Variants in EPAS1 observed in about 807,000 individuals in gnomAD.
The protein encoded by EPAS1 is endothelial PAS domain-containing protein 1.
A neutral mutation model predicts 87.9 loss-of-function variants in EPAS1; 23 were observed. The ratio of observed to expected loss-of-function variants is 0.26; its 90% confidence interval spans 0.19 to 0.37. EPAS1 has a LOEUF of 0.37. Among genes scored for constraint, EPAS1 ranks in the 10% least tolerant of loss-of-function variants. The pLI is 1.00. For missense variants in EPAS1, 1,138 were observed against 1,120.7 expected (o/e 1.02, Z -0.22); for synonymous variants, 508 against 444.3 (o/e 1.14, Z -1.80).
Position 46,380,372 on chromosome 2 carries a change from T to C in EPAS1, c.1700T>C (p.Met567Thr), listed in dbSNP as rs374224241. Residue 567 changes from methionine to threonine, a missense_variant, in exon 12 of 16, where the codon ATG becomes ACG. Physicochemically the swap from Met to Thr is moderately conservative, Grantham distance 81. Coordinates refer to ENST00000263734, the MANE Select transcript of EPAS1 (RefSeq NM_001430.5). This position sits in a 1 kb window ranked among gnomAD's most constrained non-coding sequence, Gnocchi z 4.4. ...ACCCCCCAGCACTGCTTCAGTGCCA[T>C]GACAAACATCTTCCAGCCACTGGCC... ...QSTPQHCFSA[M>T]TNIFQPLAPV... 1.1e-4 allele frequency: 174 copies of C among 1,614,022 alleles called. No homozygotes were observed. Among genetic ancestry groups the C allele is most frequent in the Admixed American group, 7.7e-4 (46 of 59,994 alleles).
intron 6 of EPAS1, among the ~76,000 whole-genome samples, chr2:46,366,199 G>T (rs1159051705): frequency 6.6e-6 from 1 of 152,256 alleles, no homozygotes; most frequent in Non-Finnish European, 1.5e-5. Flanking sequence ...CCTGTGGGTG[G>T]ATTTCTTTCT....
chr2:46,303,619 C>T (rs1257434315), intron 1 of EPAS1, among the ~76,000 whole-genome samples: 1 of 152,108 alleles, frequency 6.6e-6, no homozygotes, highest in South Asian at 2.1e-4. Flanking sequence ...CTTAACCAGG[C>T]TTTGTGAATG....
At chr2:46,303,250 G>A (rs889194945) in intron 1 of EPAS1, among the ~76,000 whole-genome samples, 9 of 152,248 alleles carry the variant, frequency 5.9e-5, no homozygotes, top group South Asian at 2.1e-4. Flanking sequence ...TGTATTTAGA[G>A]GTGGAGAAAT....
chr2:46,365,157 C>T (rs898869580), intron 6 of EPAS1, among the ~76,000 whole-genome samples: 10 of 152,074 alleles, frequency 6.6e-5, no homozygotes, highest in African/African-American at 2.2e-4. Flanking sequence ...AATCCCACTG[C>T]GATTTTGTCA....
At chr2:46,384,440 C>CA (rs752484056) in intron 15 of EPAS1, 69 bp from the exon 16 acceptor site, 31 of 1,607,760 alleles carry the variant, frequency 1.9e-5, no homozygotes, top group Non-Finnish European at 2.6e-5. Context: ...CCCCCAGTCA[C>CA]AAAGAAGTAG....
At chr2:46,356,118 C>T (rs972691963) in intron 2 of EPAS1, 33 bp from the exon 3 acceptor site, 20 of 1,497,550 alleles carry the variant, frequency 1.3e-5, no homozygotes, top group Admixed American at 8.7e-5. Context: ...ACTCCACATT[C>T]ATGCAAGCTG....
At chr2:46,302,118 C>CTG (rs35880089) in intron 1 of EPAS1, among the ~76,000 whole-genome samples, 2,934 of 127,412 alleles carry the variant, frequency 0.023, 42 homozygotes, top group Non-Finnish European at 0.027. Flanking sequence ...CTCTTTCTCT[C>CTG]TGTGTGTGTG....
At chr2:46,301,350 G>A (rs925475816) in intron 1 of EPAS1, among the ~76,000 whole-genome samples, 2 of 151,974 alleles carry the variant, frequency 1.3e-5, no homozygotes, top group Non-Finnish European at 2.9e-5. Context: ...CTGAGGCTGC[G>A]GATCACCTGA....
chr2:46,367,632 G>C (rs956999608), intron 6 of EPAS1, among the ~76,000 whole-genome samples: 2 of 152,252 alleles, frequency 1.3e-5, no homozygotes, highest in Non-Finnish European at 2.9e-5. Context: ...TCTCTGCTCA[G>C]GGCCAAGCGA....
intron 1 of EPAS1, among the ~76,000 whole-genome samples, chr2:46,335,263 AT>A (rs1445682806): frequency 6.6e-6 from 1 of 152,240 alleles, no homozygotes; most frequent in Non-Finnish European, 1.5e-5. Context: ...ATCAGTCCTG[AT>A]TAAAAGTCTA....
intron 1 of EPAS1, among the ~76,000 whole-genome samples, chr2:46,330,288 C>A (rs997788541): frequency 6.6e-6 from 1 of 152,158 alleles, no homozygotes; most frequent in Non-Finnish European, 1.5e-5. Context: ...AATCCAGCTC[C>A]GTTTCTGAGC....
In EPAS1 at chr2:46,297,819, C is replaced by G; in HGVS notation, c.-93C>G. The G allele has an allele frequency of 1.3e-6, 2 of 1,538,734 alleles. No homozygotes were observed. Among genetic ancestry groups the G allele is most frequent in the South Asian group, 1.2e-5 (1 of 84,638 alleles). Reference sequence around the variant, plus strand: ...GCACCTCGGACCTTCACCACCCGCCCGGGCCGCGGGGAGCGGACGAGGGCC... The same window carrying G: ...GCACCTCGGACCTTCACCACCCGCCGGGGCCGCGGGGAGCGGACGAGGGCC... On this transcript the variant is annotated 5_prime_UTR_variant, in exon 1 of 16. Coordinates refer to ENST00000263734, the MANE Select transcript of EPAS1 (RefSeq NM_001430.5).
chr2:46,382,723 A>T (rs1684929106), intron 15 of EPAS1, 125 bp downstream of exon 15: 1 of 1,279,454 alleles, frequency 7.8e-7, no homozygotes, highest in African/African-American at 1.5e-5. Flanking sequence ...GAAGTCACCT[A>T]TACAGGGCTC....
chr2:46,361,440 A>G (rs1684385340), intron 6 of EPAS1, among the ~76,000 whole-genome samples: 1 of 152,190 alleles, frequency 6.6e-6, no homozygotes, highest in South Asian at 2.1e-4. Flanking sequence ...AGAGACTTCC[A>G]TCTGTACTCC....
chr2:46,338,247 T>C (rs1350777652), intron 1 of EPAS1, among the ~76,000 whole-genome samples: 1 of 152,222 alleles, frequency 6.6e-6, no homozygotes, highest in African/African-American at 2.4e-5. Flanking sequence ...ATGGGAGTGA[T>C]ACACCTGCTC....
chr2:46,323,913 A>G (rs1050236081), intron 1 of EPAS1, among the ~76,000 whole-genome samples: 1 of 152,184 alleles, frequency 6.6e-6, no homozygotes, highest in Non-Finnish European at 1.5e-5. Flanking sequence ...ATAACCCACC[A>G]TGATCTTTTG....
At chr2:46,319,971 T>C (rs547030225) in intron 1 of EPAS1, among the ~76,000 whole-genome samples, 1 of 152,314 alleles carries the variant, frequency 6.6e-6, no homozygotes, top group South Asian at 2.1e-4. Flanking sequence ...TGCAACAAAA[T>C]TTGGCAACGG....
intron 1 of EPAS1, among the ~76,000 whole-genome samples, chr2:46,320,909 T>C (rs1016991156): frequency 6.6e-6 from 1 of 152,208 alleles, no homozygotes; most frequent in Non-Finnish European, 1.5e-5. Context: ...GTTTACCATT[T>C]TAACTATTTT....
chr2:46,350,128 G>A (rs1421259049), intron 2 of EPAS1, among the ~76,000 whole-genome samples: 1 of 152,094 alleles, frequency 6.6e-6, no homozygotes, highest in Non-Finnish European at 1.5e-5. Flanking sequence ...TTAAATATAG[G>A]CTTCTGGAGA....
Sources: gnomAD v4.1 joint callset for allele counts (sites outside exome capture counted in the v4.1 genomes callset) on GRCh38, gnomAD v4.1.1 for gene constraint, Gnocchi (gnomAD v3.1) non-coding constraint, MANE v1.5 for transcripts, NCBI Gene and HGNC (gene_info 2026-07-23, HGNC 2026-07-21) for gene names.